Variants in RALGAPA1 observed in about 807,000 individuals in gnomAD.
RALGAPA1 encodes the protein ral GTPase-activating protein subunit alpha-1.
A neutral mutation model predicts 269.6 loss-of-function variants in RALGAPA1; 52 were observed. The ratio of observed to expected loss-of-function variants is 0.19; its 90% confidence interval spans 0.15 to 0.24. The LOEUF (loss-of-function observed/expected upper bound fraction) is 0.24, where lower values mean the gene tolerates loss of function less well. Among genes scored for constraint, RALGAPA1 ranks in the 10% least tolerant of loss-of-function variants. RALGAPA1 has a pLI of 1.00. For missense variants in RALGAPA1, 1,917 were observed against 3,013.9 expected, an observed-to-expected ratio of 0.64 and a Z score of 8.52; for synonymous variants, 817 against 1,008.3, an observed-to-expected ratio of 0.81 and a Z score of 3.60.
chr14:35,688,674 C>T lies in RALGAPA1; in HGVS notation c.3737G>A (p.Ser1246Asn). Reference sequence around the variant, plus strand: ...AGTACTACGACTACCTAATTGACTACTTGCAATTCCTTCTTTTTGTAATAT... The same window carrying T: ...AGTACTACGACTACCTAATTGACTATTTGCAATTCCTTCTTTTTGTAATAT... The part of the protein sequence containing the change: ...TTILQKEGIA[S>N]SQLGSRSTLR... The change falls in exon 18 of 42, where the codon AGT becomes AAT. Residue 1246 changes from serine to asparagine, a missense_variant. Physicochemically the swap from Ser to Asn is conservative, Grantham distance 46. Around this residue, in one of 11 missense-constraint regions of RALGAPA1, gnomAD observed 615 missense variants for 790.0 expected, o/e 0.78. Coordinates refer to ENST00000680220, the MANE Select transcript of RALGAPA1 (RefSeq NM_001346249.2). The T allele has an allele frequency of 1.3e-6, 2 of 1,489,082 alleles. No individual in the cohort carries two copies. The highest frequency in any genetic ancestry group is 1.8e-6 in the Non-Finnish European group (2 of 1,127,460). The allele number at this position is 1,489,082 out of a possible 1,614,324, so 92.2% of individuals were successfully genotyped here.
intron 1 of RALGAPA1, among the ~76,000 whole-genome samples, chr14:35,802,586 C>T (rs949781093): frequency 1.3e-5 from 2 of 151,362 alleles, no homozygotes; most frequent in African/African-American, 2.4e-5. Flanking sequence ...TATTCAATAT[C>T]GTCAATTTTC....
intron 39 of RALGAPA1, among the ~76,000 whole-genome samples, chr14:35,563,749 G>A (rs1160024361): frequency 2.6e-5 from 4 of 152,122 alleles, no homozygotes; most frequent in South Asian, 2.1e-4. Context: ...ATAACTTATC[G>A]TCCACTTTAA....
intron 1 of RALGAPA1, among the ~76,000 whole-genome samples, chr14:35,804,947 A>G (rs2077251969): frequency 6.6e-6 from 1 of 152,138 alleles, no homozygotes; most frequent in Admixed American, 6.5e-5. Context: ...GCAATGAACT[A>G]TTAACATACC....
At chr14:35,591,992 C>A (rs2058667027) in intron 37 of RALGAPA1, among the ~76,000 whole-genome samples, 3 of 152,188 alleles carry the variant, frequency 2.0e-5, no homozygotes. Context: ...TTGCCTTTTG[C>A]CACGATTGTA....
In RALGAPA1 at chr14:35,775,043, T is replaced by C; in HGVS notation, c.230A>G (p.Gln77Arg). 6.4e-7 allele frequency: 1 copy of C among 1,553,746 alleles called. No homozygotes were observed. ...AAGTATAGCATCCAATTCCTCTCTT[T>C]GAGACTTGTGACCTAAAACATTTTT... Reference protein sequence around the residue: ...ASLKQKGHKSQREELDAILFI... With the variant: ...ASLKQKGHKSRREELDAILFI... The change falls in exon 3 of 42, where the codon CAA (glutamine) becomes CGA (arginine). Residue 77 changes from glutamine (Q) to arginine (R), a missense_variant. By Grantham distance (43) the Gln-to-Arg change is conservative. Coordinates refer to ENST00000680220, the MANE Select transcript of RALGAPA1 (RefSeq NM_001346249.2).
At chr14:35,685,804 T>A (rs924541277) in intron 19 of RALGAPA1, among the ~76,000 whole-genome samples, 2 of 152,136 alleles carry the variant, frequency 1.3e-5, no homozygotes, top group East Asian at 3.9e-4. Flanking sequence ...CTCAGGGGGC[T>A]CAGGCAGGAG....
Position 35,608,694 on chromosome 14 carries a change from T to C in RALGAPA1, c.6930-2985A>G, listed in dbSNP as rs556514729. Among the ~76,000 whole-genome samples the C allele has an allele frequency of 1.8e-4, 28 of 152,258 alleles. 1 individual carries two copies. The South Asian group carries it at 5.8e-3, about 32-fold the overall frequency. ...AAAAACAGAGCCCCAAAATACATGA[T>C]GCAAAACAAAGACAGAGCTGAAGGC... On this transcript the variant is annotated intron_variant, in intron 35 of 41. Coordinates refer to ENST00000680220, the MANE Select transcript of RALGAPA1 (RefSeq NM_001346249.2).
intron 21 of RALGAPA1, among the ~76,000 whole-genome samples, chr14:35,679,673 G>A (rs1345824525): frequency 1.3e-5 from 2 of 151,962 alleles, no homozygotes; most frequent in Non-Finnish European, 2.9e-5. Flanking sequence ...ATTGTAAGTT[G>A]TTAATTATAG....
rs533412772 is a variant in RALGAPA1 at position 35,655,799 on chromosome 14, T to C, written c.5496+8A>G. The C allele has an allele frequency of 8.6e-5, 138 of 1,610,706 alleles. 2 individuals are homozygous for C. The Middle Eastern group carries it at 1.0e-3, about 12-fold the overall frequency. ...TCTTAATATATTTCACTAAACAGTT[T>C]TCTTTACCTTTAAGGAAACACAAAT... On this transcript the variant is annotated splice_region_variant and intron_variant, in intron 29 of 41. Coordinates refer to ENST00000680220, the MANE Select transcript of RALGAPA1 (RefSeq NM_001346249.2).
chr14:35,557,098 ATGTGTGTGTG>A (rs56835063), intron 39 of RALGAPA1, among the ~76,000 whole-genome samples: 134 of 142,500 alleles, frequency 9.4e-4, no homozygotes, highest in Admixed American at 2.1e-3. Context: ...TCCAATATGT[ATGTGTGTGTG>A]TGTGTGTGTG....
At chr14:35,562,853 C>T (rs1428860314) in intron 39 of RALGAPA1, among the ~76,000 whole-genome samples, 1 of 151,458 alleles carries the variant, frequency 6.6e-6, no homozygotes, top group African/African-American at 2.4e-5. Flanking sequence ...AACCCCATCT[C>T]TACTAAAAAT....
At chr14:35,737,171 G>A (rs567596256) in intron 12 of RALGAPA1, among the ~76,000 whole-genome samples, 1 of 152,054 alleles carries the variant, frequency 6.6e-6, no homozygotes, top group African/African-American at 2.4e-5. Flanking sequence ...ACTGATGAAG[G>A]AAAAGCAAAT....
intron 16 of RALGAPA1, among the ~76,000 whole-genome samples, chr14:35,710,834 C>T (rs1277417694): frequency 6.6e-6 from 1 of 152,014 alleles, no homozygotes; most frequent in Non-Finnish European, 1.5e-5. Flanking sequence ...TTATAATTGC[C>T]TACAATATTC....
At chr14:35,684,444 G>A (rs891022897) in intron 20 of RALGAPA1, among the ~76,000 whole-genome samples, 41 of 152,198 alleles carry the variant, frequency 2.7e-4, no homozygotes, top group Non-Finnish European at 2.1e-4. Context: ...ATATGAGTGT[G>A]TGAAACAGTG....
chr14:35,734,607 G>T (rs2070806351), intron 12 of RALGAPA1, among the ~76,000 whole-genome samples: 1 of 152,088 alleles, frequency 6.6e-6, no homozygotes, highest in African/African-American at 2.4e-5. Context: ...AATTCTAGAA[G>T]ATAACATTGG....
Position 35,808,757 on chromosome 14 carries a change from G to A in RALGAPA1, c.79C>T (p.Arg27Cys). 1 of 1,613,274 alleles carries A rather than the reference G, an allele frequency of 6.2e-7. No homozygotes were observed. Residue 27 changes from arginine (R) to cysteine (C), a missense_variant, in exon 1 of 42, where the codon CGC (arginine) becomes TGC (cysteine). Transcript: ENST00000680220. ...ATGACGATGCGCAGGTGCTTGAGGC[G>A]AGTCAGTGCGTCCTTCTTGGTGTCT... ...VLDTKKDALT[R>C]LKHLRIVIEN...
At chr14:35,570,343 G>A (rs2057079403) in intron 39 of RALGAPA1, among the ~76,000 whole-genome samples, 1 of 149,822 alleles carries the variant, frequency 6.7e-6, no homozygotes, top group African/African-American at 2.5e-5. Context: ...GGGAGGAACT[G>A]AACCATCTAT....
intron 12 of RALGAPA1, among the ~76,000 whole-genome samples, chr14:35,737,857 C>T (rs1305870814): frequency 1.4e-5 from 2 of 139,428 alleles, no homozygotes; most frequent in African/African-American, 2.7e-5. Context: ...GAGGCTGAAG[C>T]GGGTGGATCA....
chr14:35,580,182 C>T (rs2057863566), intron 37 of RALGAPA1, among the ~76,000 whole-genome samples: 1 of 152,060 alleles, frequency 6.6e-6, no homozygotes, highest in African/African-American at 2.4e-5. Context: ...GGAAATGAAA[C>T]ATAGACTAGA....
Sources: allele counts gnomAD v4.1 joint callset (sites outside exome capture counted in the v4.1 genomes callset), GRCh38; gene constraint gnomAD v4.1.1; regional missense constraint gnomAD v4.1.1; transcripts MANE v1.5; gene names NCBI Gene and HGNC (gene_info 2026-07-23, HGNC 2026-07-21).